GAK: variants seen among roughly 807,000 people sequenced by gnomAD.
GAK encodes cyclin G associated kinase.
Under a neutral mutation model 143.9 loss-of-function variants are expected in GAK, and 79 were observed. That is an observed-to-expected ratio of 0.55 (90% CI 0.46 to 0.66). GAK has a LOEUF of 0.66. GAK is among the 30% of genes least tolerant of loss of function. GAK has a pLI of 0.00. For missense variants in GAK, 1,693 were observed against 1,779.7 expected (o/e 0.95, Z 0.88); for synonymous variants, 881 against 765.5 (o/e 1.15, Z -2.49).
chr4:877,322 AAAG>A, intron 16 of GAK, 115 bp from the exon 17 acceptor site: 1 of 754,444 alleles, frequency 1.3e-6, no homozygotes, highest in Non-Finnish European at 2.3e-6. Flanking sequence ...AATAACCAAT[AAAG>A]AATAACCCCC....
intron 7 of GAK, 199 bp from the exon 8 acceptor site, chr4:894,208 A>G (rs1237799366): frequency 6.0e-5 from 28 of 465,130 alleles, no homozygotes; most frequent in Admixed American, 1.5e-4. Context: ...TGCAGGGGTG[A>G]CACCGGGGCC....
At chr4:923,006 C>T (rs1360948415) in intron 1 of GAK, among the ~76,000 whole-genome samples, 1 of 152,188 alleles carries the variant, frequency 6.6e-6, no homozygotes, top group African/African-American at 2.4e-5. Flanking sequence ...AAGAATTCTG[C>T]ACTTCCCCTT....
chr4:870,736 C>G lies in GAK; in HGVS notation c.2223G>C (p.Glu741Asp). Reference sequence around the variant, plus strand: ...CAAACTTAGACAGAATGTCTTGCTGCTCCTCCCGGCTGGAAAACAGGATTT... The same window carrying G: ...CAAACTTAGACAGAATGTCTTGCTGGTCCTCCCGGCTGGAAAACAGGATTT... ...NPKILFSSRE[E>D]QQDILSKFGK... The change falls in exon 19 of 28, where the codon GAG becomes GAC. Residue 741 changes from glutamate to aspartate, a missense_variant. Physicochemically the swap from Glu to Asp is conservative, Grantham distance 45 (BLOSUM62 2). Coordinates refer to ENST00000314167, the MANE Select transcript of GAK (RefSeq NM_005255.4). 2 of 1,613,980 alleles carry G rather than the reference C, an allele frequency of 1.2e-6. No homozygotes were observed. The highest frequency in any genetic ancestry group is 8.5e-7 in the Non-Finnish European group (1 of 1,179,982).
intron 3 of GAK, 27 bp downstream of exon 3, chr4:912,708 T>G: frequency 6.2e-7 from 1 of 1,606,548 alleles, no homozygotes; most frequent in Non-Finnish European, 8.5e-7. Flanking sequence ...GCCACCGTGC[T>G]GGCTCCTGGT....
intron 25 of GAK, 166 bp downstream of exon 25, chr4:851,584 G>C (rs1577022313): frequency 1.5e-6 from 1 of 677,776 alleles, no homozygotes; most frequent in East Asian, 2.7e-5. Context: ...CTGACCCAGA[G>C]AGAGACCAGT....
intron 6 of GAK, 170 bp downstream of exon 6, chr4:897,863 C>T (rs900368530): frequency 9.6e-6 from 6 of 624,468 alleles, no homozygotes; most frequent in African/African-American, 1.9e-5. Context: ...GCAGAAGAAT[C>T]GCTTGAACCC....
rs528270872 is a variant in GAK at position 871,249 on chromosome 4, C to G, written c.2055-345G>C. ...TTTCCTGCAACTCCAGGGGAGGCCA[C>G]GTGCTCAGAGCAGACGGGACAACAT... On this transcript the variant is annotated intron_variant, in intron 18 of 27. Transcript: ENST00000314167. Among the ~76,000 whole-genome samples, 9 of 152,348 alleles carry G rather than the reference C, an allele frequency of 5.9e-5. No homozygotes were observed. In the South Asian group the frequency reaches 1.7e-3, roughly 28 times the overall value.
intron 17 of GAK, among the ~76,000 whole-genome samples, 168 bp downstream of exon 17, chr4:876,922 G>A (rs1383402891): frequency 2.0e-5 from 3 of 152,218 alleles, no homozygotes; most frequent in African/African-American, 4.8e-5. Flanking sequence ...TCAAGTGCAC[G>A]GGGCAAGCAG....
At chr4:854,962 G>A (rs1456931204) in intron 24 of GAK, among the ~76,000 whole-genome samples, 3 of 152,172 alleles carry the variant, frequency 2.0e-5, no homozygotes, top group African/African-American at 4.8e-5. Context: ...GGAGAATGGC[G>A]TGAACCCGGT....
At chr4:868,862 C>T (rs190350166) in intron 19 of GAK, 177 bp from the exon 20 acceptor site, 14 of 638,524 alleles carry the variant, frequency 2.2e-5, no homozygotes, top group Middle Eastern at 4.3e-4. Flanking sequence ...TCCTGCTATC[C>T]ACTCGGATGC....
At position 932,167 on chromosome 4, in the gene GAK, C is replaced by G; in HGVS notation, c.21G>C (p.Ala7=). 6.4e-7 allele frequency: 1 copy of G among 1,573,566 alleles called. No homozygotes were observed. Among genetic ancestry groups the G allele is most frequent in the Non-Finnish European group, 8.6e-7 (1 of 1,162,528 alleles). The change falls in exon 1 of 28, where the codon GCG becomes GCC. Residue 7 remains alanine, a synonymous_variant. Coordinates refer to ENST00000314167, the MANE Select transcript of GAK (RefSeq NM_005255.4). This position sits in a 1 kb window ranked among gnomAD's most constrained non-coding sequence, Gnocchi z 4.0. MSLLQS[A]LDFLAGPGSL... ...AGCCTGGACCCGCCAAGAAGTCGAG[C>G]GCCGACTGCAGCAGCGACATGGCGG...
intron 8 of GAK, 103 bp from the exon 9 acceptor site, chr4:893,592 A>G: frequency 1.2e-6 from 1 of 821,034 alleles, no homozygotes; most frequent in Non-Finnish European, 1.8e-6. Context: ...CTCCCTCTAC[A>G]CACATCAGTG....
At chr4:928,201 G>A (rs1256083848) in intron 1 of GAK, among the ~76,000 whole-genome samples, 1 of 152,196 alleles carries the variant, frequency 6.6e-6, no homozygotes, top group Admixed American at 6.5e-5. Flanking sequence ...GGGATTACAG[G>A]CACGCGCCAC....
At chr4:866,281 C>A in intron 22 of GAK, 83 bp downstream of exon 22, 2 of 1,412,346 alleles carry the variant, frequency 1.4e-6, no homozygotes, top group Admixed American at 1.8e-5. Context: ...CTGCCTGAGA[C>A]CCACAGCTCT....
In GAK at chr4:896,215, A is replaced by G. The variant is rs372022760; in HGVS notation, c.741+245T>C. Among the ~76,000 whole-genome samples, 305 of 152,330 alleles carry G rather than the reference A, an allele frequency of 2.0e-3. 12 individuals carry two copies. The South Asian group carries it at 0.059, about 30-fold the overall frequency. On this transcript the variant is annotated intron_variant, in intron 7 of 27. Coordinates refer to ENST00000314167, the MANE Select transcript of GAK (RefSeq NM_005255.4). ...GGGGCGGGAGGCTGCGGTGAGCCTG[A>G]GCCGAGGTCACACCACTGCACTCCA...
intron 2 of GAK, 49 bp downstream of exon 2, chr4:913,558 C>T: frequency 1.4e-6 from 2 of 1,385,658 alleles, no homozygotes; most frequent in Non-Finnish European, 2.1e-6. Context: ...ACCAGACAGT[C>T]CCTTTACATA....
At chr4:906,446 G>C (rs1721095165) in intron 4 of GAK, among the ~76,000 whole-genome samples, 1 of 152,166 alleles carries the variant, frequency 6.6e-6, no homozygotes, top group African/African-American at 2.4e-5. Context: ...GGAAACCAGG[G>C]ATGTGGGGCC....
At chr4:918,176 T>C (rs1723358949) in intron 1 of GAK, among the ~76,000 whole-genome samples, 1 of 152,164 alleles carries the variant, frequency 6.6e-6, no homozygotes, top group Admixed American at 6.5e-5. Flanking sequence ...GCAAGGTTGG[T>C]GTAACATTAA....
At chr4:899,147 G>C (rs1050125387) in intron 5 of GAK, among the ~76,000 whole-genome samples, 12 of 152,248 alleles carry the variant, frequency 7.9e-5, no homozygotes, top group African/African-American at 2.7e-4. Flanking sequence ...CATGTGGAAC[G>C]AAAGGAGAAA....
Sources: gnomAD v4.1 joint callset for allele counts (sites outside exome capture counted in the v4.1 genomes callset) on GRCh38, gnomAD v4.1.1 for gene constraint, Gnocchi (gnomAD v3.1) non-coding constraint, MANE v1.5 for transcripts, NCBI Gene and HGNC (gene_info 2026-07-23, HGNC 2026-07-21) for gene names.